Variants in TMPRSS15 observed in about 807,000 individuals in gnomAD.
TMPRSS15 encodes the protein enteropeptidase.
TMPRSS15 carries 128 observed loss-of-function variants against 125.3 expected under a neutral mutation model. The ratio of observed to expected loss-of-function variants is 1.02; its 90% CI spans 0.89 to 1.18. TMPRSS15 has a LOEUF of 1.18. Ranked by LOEUF, TMPRSS15 falls within the 50% of genes most tolerant of loss-of-function variation. TMPRSS15 has a pLI of 0.00. For synonymous variants in TMPRSS15, 446 were observed against 423.2 expected (o/e 1.05, Z -0.66); for missense variants, 1,283 against 1,212.7 (o/e 1.06, Z -0.86).
At chr21:18,329,475 T>C (rs1168978219) in intron 14 of TMPRSS15, among the ~76,000 whole-genome samples, 181 bp from the exon 15 acceptor site, 3 of 151,416 alleles carry the variant, frequency 2.0e-5, no homozygotes, top group Non-Finnish European at 4.4e-5. Flanking sequence ...TAAGAAAATA[T>C]ATTGGTTTAG....
At chr21:18,419,839 G>C (rs1419960279) in intron 1 of TMPRSS15, among the ~76,000 whole-genome samples, 1 of 152,122 alleles carries the variant, frequency 6.6e-6, no homozygotes, top group African/African-American at 2.4e-5. Context: ...AATGTGATTG[G>C]TTATGTCTTT....
intron 24 of TMPRSS15, among the ~76,000 whole-genome samples, chr21:18,271,313 T>C (rs1257808845): frequency 6.6e-6 from 1 of 152,326 alleles, no homozygotes; most frequent in Admixed American, 6.5e-5. Flanking sequence ...AAAATAAACT[T>C]CAGCTGTTTG....
chr21:18,374,806 T>C (rs1427983182), intron 5 of TMPRSS15, among the ~76,000 whole-genome samples: 2 of 152,132 alleles, frequency 1.3e-5, no homozygotes, highest in East Asian at 3.9e-4. Context: ...ACTCTCACAA[T>C]GGCAGAGGAG....
At chr21:18,294,501 G>A in intron 20 of TMPRSS15, 57 bp from the exon 21 acceptor site, 1 of 1,608,090 alleles carries the variant, frequency 6.2e-7, no homozygotes, top group Non-Finnish European at 8.5e-7. Flanking sequence ...TCTTCTGATG[G>A]TGAAAATTGA....
chr21:18,365,955 G>A (rs539972652), intron 6 of TMPRSS15, among the ~76,000 whole-genome samples: 2 of 151,614 alleles, frequency 1.3e-5, no homozygotes, highest in East Asian at 3.9e-4. Context: ...GGCTGGTCTC[G>A]ATCTCCTGAC....
At chr21:18,299,278 G>A (rs1399816128) in intron 18 of TMPRSS15, among the ~76,000 whole-genome samples, 1 of 152,170 alleles carries the variant, frequency 6.6e-6, no homozygotes, top group Non-Finnish European at 1.5e-5. Context: ...TGAGAATGTA[G>A]AAAGTCTGGA....
intron 1 of TMPRSS15, chr21:18,477,560 C>T (rs946199769): frequency 1.3e-5 from 2 of 151,968 alleles, no homozygotes; most frequent in Admixed American, 6.6e-5. Context: ...AGAGAAGGGA[C>T]TCATGTAATT....
chr21:18,381,836 G>A (rs376526807), intron 4 of TMPRSS15, among the ~76,000 whole-genome samples: 1 of 152,020 alleles, frequency 6.6e-6, no homozygotes, highest in Non-Finnish European at 1.5e-5. Context: ...GAGGATGGGC[G>A]GTGGGAGGAG....
chr21:18,481,553 A>G (rs1978982104), intron 1 of TMPRSS15, among the ~76,000 whole-genome samples: 2 of 151,750 alleles, frequency 1.3e-5, no homozygotes, highest in South Asian at 4.1e-4. Context: ...TTTGTACACA[A>G]ATTATTAATG....
intron 1 of TMPRSS15, among the ~76,000 whole-genome samples, chr21:18,401,498 C>T (rs1476029412): frequency 6.6e-6 from 1 of 152,154 alleles, no homozygotes; most frequent in Admixed American, 6.5e-5. Context: ...ACAAATACCA[C>T]ATGTTCTCAA....
At chr21:18,474,552 A>C (rs766982235) in intron 1 of TMPRSS15, among the ~76,000 whole-genome samples, 2 of 152,116 alleles carry the variant, frequency 1.3e-5, no homozygotes, top group Non-Finnish European at 2.9e-5. Flanking sequence ...GGCCTCCCAA[A>C]GTGCTGAGAT....
chr21:18,280,587 A>AAAACAAAAC (rs1568979233), intron 22 of TMPRSS15, among the ~76,000 whole-genome samples: 1 of 145,478 alleles, frequency 6.9e-6, no homozygotes, highest in Non-Finnish European at 1.5e-5. Flanking sequence ...AAAAAAAAAA[A>AAAACAAAAC]AAAAAAAACA....
At chr21:18,344,593 G>A (rs1490778029) in intron 10 of TMPRSS15, among the ~76,000 whole-genome samples, 2 of 151,970 alleles carry the variant, frequency 1.3e-5, no homozygotes, top group East Asian at 1.9e-4. Flanking sequence ...TCCTATGAAC[G>A]ATAAGTAATC....
chr21:18,461,687 T>C (rs2122910554), intron 1 of TMPRSS15, among the ~76,000 whole-genome samples: 5 of 152,136 alleles, frequency 3.3e-5, no homozygotes, highest in Admixed American at 6.5e-5. Context: ...TTTAAATTTC[T>C]TTGTACAATA....
intron 10 of TMPRSS15, among the ~76,000 whole-genome samples, chr21:18,348,007 G>C (rs567559933): frequency 1.3e-5 from 2 of 152,174 alleles, no homozygotes; most frequent in Non-Finnish European, 2.9e-5. Flanking sequence ...AACATAATGA[G>C]GCCCCATCTC....
In TMPRSS15 at chr21:18,413,314, TC is replaced by T. The variant is rs1384951243; in HGVS notation, c.11-14986del. Among the ~76,000 whole-genome samples, 676 of 91,708 alleles carry T rather than the reference TC, an allele frequency of 7.4e-3. 24 individuals carry two copies. The highest frequency in any genetic ancestry group is 0.03 in the East Asian group (123 of 4,118). 60.2% of individuals were successfully genotyped at this position (91,708 alleles called of 152,430 possible). A position where few individuals can be genotyped will look rare whatever the true frequency, so the allele number is the denominator to read the frequency against. On this transcript the variant is annotated intron_variant, in intron 1 of 7. Transcript: ENST00000422787. ...TTTCTTTTCTTTCTTTTCTTTCTTT[TC>T]CTTCCTTCCTTCCTTCCTTCCTTCC... is the stretch of plus-strand genomic sequence containing the variant.
Position 18,353,805 on chromosome 21 carries a change from G to A in TMPRSS15, c.939C>T (p.Ala313=). The change falls in exon 9 of 25, where the codon GCC becomes GCT. Residue 313 remains alanine, a synonymous_variant. Transcript: ENST00000284885. ...TIRIFSNQVT[A]TFLIESDESD... ...TTTCATCAGATTCTATAAGAAAGGT[G>A]GCAGTAACTTGGTTGGAAAAAATTC... 6.2e-7 allele frequency: 1 copy of A among 1,611,720 alleles called. No homozygotes were observed. The highest frequency in any genetic ancestry group is 1.1e-5 in the South Asian group (1 of 91,028).
intron 1 of TMPRSS15, among the ~76,000 whole-genome samples, chr21:18,401,614 A>T (rs1422380795): frequency 6.6e-6 from 1 of 152,164 alleles, no homozygotes; most frequent in East Asian, 1.9e-4. Flanking sequence ...AGGGTTGACA[A>T]ACTAACTTCT....
intron 16 of TMPRSS15, among the ~76,000 whole-genome samples, chr21:18,317,333 G>C (rs1426725827): frequency 6.6e-6 from 1 of 151,490 alleles, no homozygotes; most frequent in Non-Finnish European, 1.5e-5. Context: ...AATACCAAAA[G>C]TAGTCCAGCA....
Sources: gnomAD v4.1 joint callset for allele counts (sites outside exome capture counted in the v4.1 genomes callset) on GRCh38, gnomAD v4.1.1 for gene constraint, MANE v1.5 for transcripts, NCBI Gene and HGNC (gene_info 2026-07-23, HGNC 2026-07-21) for gene names.